NFIB: variants seen among roughly 807,000 people sequenced by gnomAD.
The protein encoded by NFIB is nuclear factor 1 B-type.
NFIB carries 11 observed loss-of-function variants against 61.5 expected under a neutral mutation model. That is an observed-to-expected ratio of 0.18 (90% confidence interval 0.11 to 0.30). NFIB has a LOEUF of 0.30. Among genes scored for constraint, NFIB ranks in the 10% least tolerant of loss-of-function variants. The pLI is 1.00. For missense variants in NFIB, 471 were observed against 608.9 expected (o/e 0.77, Z 2.38); for synonymous variants, 260 against 216.5 (o/e 1.20, Z -1.76).
chr9:14,111,588 A>C (rs1378659331), intron 10 of NFIB, among the ~76,000 whole-genome samples: 2 of 152,184 alleles, frequency 1.3e-5, no homozygotes, highest in African/African-American at 4.8e-5. Flanking sequence ...GTTTTTTAAA[A>C]AACACAATGG....
intron 2 of NFIB, among the ~76,000 whole-genome samples, chr9:14,234,396 G>A (rs956796672): frequency 6.6e-6 from 1 of 150,574 alleles, no homozygotes; most frequent in Non-Finnish European, 1.5e-5. Context: ...TCTTAATGGA[G>A]TCTTGCTCTG....
rs1244246173 is a variant in NFIB, at chr9:14,179,894, A to C, written c.563-114T>G. 4.5e-6 allele frequency: 4 copies of C among 897,302 alleles called. No homozygotes were observed. The African/African-American group carries it at 5.0e-5, about 11-fold the overall frequency. The allele number at this position is 897,302 out of a possible 1,614,324, so 55.6% of individuals were successfully genotyped here. ...GGTATAAAAATGAAGTTGAGTGCTT[A>C]AATAAAATACACTTTCCCAAGACTT... On this transcript the variant is annotated intron_variant, in intron 2 of 10. Coordinates refer to ENST00000380953, the MANE Select transcript of NFIB (RefSeq NM_001190737.2).
the NFIB span, among the ~76,000 whole-genome samples, chr9:14,517,620 C>T: frequency 8.0e-5 from 12 of 149,950 alleles, no homozygotes; most frequent in African/African-American, 2.5e-4. Context: ...TAGCGGTGGT[C>T]GTGGTGGTGT....
intron 2 of NFIB, among the ~76,000 whole-genome samples, chr9:14,244,707 G>C (rs2054713632): frequency 6.6e-6 from 1 of 152,080 alleles, no homozygotes; most frequent in Non-Finnish European, 1.5e-5. Context: ...TTTAAACAAA[G>C]ATAATAGGCT....
At chr9:14,377,068 T>C (rs2061428928) in intron 1 of NFIB, among the ~76,000 whole-genome samples, 1 of 152,208 alleles carries the variant, frequency 6.6e-6, no homozygotes, top group African/African-American at 2.4e-5. Flanking sequence ...TTTCCCTCCA[T>C]GAAGCAATAA....
intron 10 of NFIB, chr9:14,102,517 A>G: frequency 1.3e-6 from 2 of 1,550,174 alleles, no homozygotes; most frequent in Non-Finnish European, 1.7e-6. Flanking sequence ...TCAGCTGTCA[A>G]TTGAAACCTA....
At chr9:14,303,411 T>G (rs2059856982) in intron 2 of NFIB, among the ~76,000 whole-genome samples, 1 of 152,196 alleles carries the variant, frequency 6.6e-6, no homozygotes, top group African/African-American at 2.4e-5. Context: ...CTTTCATGAA[T>G]GCAGTAACAA....
At chr9:14,217,819 T>G (rs2051119596) in intron 2 of NFIB, among the ~76,000 whole-genome samples, 1 of 152,160 alleles carries the variant, frequency 6.6e-6, no homozygotes, top group Non-Finnish European at 1.5e-5. Flanking sequence ...ATTTTATACT[T>G]TGTTTCTTTC....
chr9:14,285,129 T>C (rs1288598316), intron 2 of NFIB, among the ~76,000 whole-genome samples: 2 of 152,192 alleles, frequency 1.3e-5, no homozygotes, highest in Non-Finnish European at 2.9e-5. Flanking sequence ...TTCTTTCCAA[T>C]TTTCTTTTCT....
At chr9:14,441,593 C>G in the NFIB span, among the ~76,000 whole-genome samples, 1 of 104,022 alleles carries the variant, frequency 9.6e-6, no homozygotes, top group Non-Finnish European at 2.0e-5. Context: ...TTTTCTTCTT[C>G]CTCTTTTTTT....
chr9:14,174,625 G>A (rs2045941832), intron 3 of NFIB, among the ~76,000 whole-genome samples: 1 of 151,994 alleles, frequency 6.6e-6, no homozygotes, highest in African/African-American at 2.4e-5. Context: ...AAATTAGCCA[G>A]GCACGGTAGC....
In NFIB at chr9:14,088,272, G is replaced by C. The variant is rs774369832; in HGVS notation, c.*37C>G. 3.1e-6 allele frequency: 5 copies of C among 1,596,550 alleles called. No individual in the cohort carries two copies. In the Admixed American group the frequency reaches 8.5e-5, roughly 27 times the overall value. On this transcript the variant is annotated 3_prime_UTR_variant, in exon 11 of 11. Coordinates refer to ENST00000380953, the MANE Select transcript of NFIB (RefSeq NM_001190737.2). The stretch of plus-strand genomic sequence containing the variant: ...CGTAATTTTGGACATTGGCCGGTAA[G>C]ATGGGTGTCCTATTTGACACTTGGA...
At chr9:14,321,540 G>A (rs978351245) in intron 1 of NFIB, among the ~76,000 whole-genome samples, 1 of 152,198 alleles carries the variant, frequency 6.6e-6, no homozygotes, top group Non-Finnish European at 1.5e-5. Context: ...AATGCTTCAA[G>A]AGGAGAGAAT....
intron 10 of NFIB, chr9:14,096,594 C>T (rs1344302631): frequency 6.6e-6 from 1 of 152,120 alleles, no homozygotes; most frequent in Admixed American, 6.6e-5. Flanking sequence ...TTATTGATTC[C>T]TATGGTCCAT....
intron 7 of NFIB, among the ~76,000 whole-genome samples, chr9:14,124,503 G>C (rs1182022899): frequency 6.6e-6 from 1 of 151,968 alleles, no homozygotes; most frequent in African/African-American, 2.4e-5. Context: ...AAGCTAATAA[G>C]GACTTTATTT....
At chr9:14,150,099 C>T in intron 5 of NFIB, 46 bp downstream of exon 5, 1 of 1,611,418 alleles carries the variant, frequency 6.2e-7, no homozygotes, top group Non-Finnish European at 8.5e-7. Flanking sequence ...ACCTACGAAC[C>T]TATGTGTGTA....
chr9:14,503,104 ATATGTGTG>A, the NFIB span, among the ~76,000 whole-genome samples: 1 of 144,426 alleles, frequency 6.9e-6, no homozygotes, highest in Non-Finnish European at 1.5e-5. Context: ...ATATATATAT[ATATGTGTG>A]TATGTGTGTG....
intron 2 of NFIB, among the ~76,000 whole-genome samples, chr9:14,218,686 G>C (rs1587696512): frequency 1.3e-5 from 2 of 152,214 alleles, no homozygotes; most frequent in East Asian, 3.9e-4. Context: ...AACCAGATTT[G>C]GTTGGGGGTT....
intron 1 of NFIB, chr9:14,322,264 T>G (rs1314302651): frequency 2.1e-6 from 1 of 484,920 alleles, no homozygotes; most frequent in Admixed American, 4.8e-5. Flanking sequence ...AGAAGGCTGT[T>G]TCTCGTGCTT....
Sources: gnomAD v4.1 joint callset for allele counts (sites outside exome capture counted in the v4.1 genomes callset) on GRCh38, gnomAD v4.1.1 for gene constraint, MANE v1.5 for transcripts, NCBI Gene and HGNC (gene_info 2026-07-23, HGNC 2026-07-21) for gene names.